Variants in PCDHGB3 observed in about 807,000 individuals in gnomAD.
PCDHGB3 encodes protocadherin gamma-B3.
In PCDHGB3, 40 loss-of-function variants were observed where a neutral mutation model predicts 59.2. That is an observed-to-expected ratio of 0.68 (90% confidence interval 0.52 to 0.88). PCDHGB3 has a LOEUF of 0.88. Ranked by LOEUF, PCDHGB3 falls within the 40% of genes least tolerant of loss-of-function variation. PCDHGB3 has a pLI of 0.00. For synonymous variants in PCDHGB3, 581 were observed against 503.6 expected, an observed-to-expected ratio of 1.15 and a Z score of -2.06; for missense variants, 1,309 against 1,187.9, an observed-to-expected ratio of 1.10 and a Z score of -1.50.
Position 141,476,217 on chromosome 5 carries a change from A to G in PCDHGB3, c.2416-18590A>G. On this transcript the variant is annotated intron_variant, in intron 1 of 3. Coordinates refer to ENST00000576222, the MANE Select transcript of PCDHGB3 (RefSeq NM_018924.5). This position sits in a 1 kb window ranked among gnomAD's most constrained non-coding sequence, Gnocchi z 7.6. ...TTGAACAAGGCTTCCACGGTCATTC[A>G]CTATGAGATCCCGGAGGAAAGAGAG... The G allele has an allele frequency of 6.2e-7, 1 of 1,613,836 alleles. No homozygotes were observed. The highest frequency in any genetic ancestry group is 2.2e-5 in the East Asian group (1 of 44,818).
intron 1 of PCDHGB3, among the ~76,000 whole-genome samples, chr5:141,473,719 T>C (rs998018115): frequency 6.6e-6 from 1 of 152,124 alleles, no homozygotes; most frequent in African/African-American, 2.4e-5. Context: ...CAATGGAATA[T>C]AGTGAGAGAG....
chr5:141,371,221 A>G lies in PCDHGB3; in HGVS notation c.827A>G (p.Glu276Gly). 6.2e-7 allele frequency: 1 copy of G among 1,614,064 alleles called. No individual in the cohort carries two copies. Among genetic ancestry groups the G allele is most frequent in the Non-Finnish European group, 8.5e-7 (1 of 1,179,900 alleles). Residue 276 changes from glutamate to glycine, a missense_variant, in exon 1 of 4, where the codon GAA becomes GGA. Glu to Gly is a moderately conservative substitution (Grantham distance 98). Coordinates refer to ENST00000576222, the MANE Select transcript of PCDHGB3 (RefSeq NM_018924.5). ...GACATGGATGAGGGCATCAATGCCGAAATCATCTATGCCTTCATCAATATT... is the reference window on the plus strand; with the variant it reads ...GACATGGATGAGGGCATCAATGCCGGAATCATCTATGCCTTCATCAATATT... ...AIDMDEGINA[E>G]IIYAFINIGK...
intron 1 of PCDHGB3, among the ~76,000 whole-genome samples, chr5:141,401,410 A>T (rs536817103): frequency 2.6e-5 from 4 of 152,354 alleles, no homozygotes; most frequent in African/African-American, 9.6e-5. Context: ...TGAGAGAGAA[A>T]GAGAGAGACT....
At chr5:141,505,336 G>A in intron 2 of PCDHGB3, 57 bp from the exon 3 acceptor site, 2 of 1,611,374 alleles carry the variant, frequency 1.2e-6, no homozygotes, top group South Asian at 1.1e-5. Flanking sequence ...GAGGACAGGA[G>A]GGGCATGAGC....
chr5:141,421,374 C>T, intron 1 of PCDHGB3: 1 of 1,614,062 alleles, frequency 6.2e-7, no homozygotes, highest in Non-Finnish European at 8.5e-7. Flanking sequence ...TGGGCAATAT[C>T]TCCAAGGACC....
rs777288812 is a variant in PCDHGB3 at position 141,487,236 on chromosome 5, G to A, written c.2416-7571G>A. The A allele has an allele frequency of 1.7e-5, 28 of 1,613,962 alleles. No homozygotes were observed. The highest frequency in any genetic ancestry group is 1.4e-4 in the South Asian group (13 of 91,070). On this transcript the variant is annotated intron_variant, in intron 1 of 3. Coordinates refer to ENST00000576222, the MANE Select transcript of PCDHGB3 (RefSeq NM_018924.5). This position sits in a 1 kb window ranked among gnomAD's most constrained non-coding sequence, Gnocchi z 5.0. ...TCAGCTCCAAGGGAAGGAGAATCTC[G>A]TCTAACCCTCTACTTGGCTGTGTCC... is the stretch of plus-strand genomic sequence containing the variant.
chr5:141,400,011 G>A (rs200842238), intron 1 of PCDHGB3: 35 of 1,612,624 alleles, frequency 2.2e-5, no homozygotes, highest in African/African-American at 4.0e-5. Context: ...CGCGTGCCTT[G>A]GGCGACAGGG....
chr5:141,489,288 G>A lies in PCDHGB3; in HGVS notation c.2416-5519G>A. 6.3e-7 allele frequency: 1 copy of A among 1,575,870 alleles called. No homozygotes were observed. Among genetic ancestry groups the A allele is most frequent in the Non-Finnish European group, 8.6e-7 (1 of 1,161,152 alleles). On this transcript the variant is annotated intron_variant, in intron 1 of 3. Coordinates refer to ENST00000576222, the MANE Select transcript of PCDHGB3 (RefSeq NM_018924.5). The surrounding 1 kb of genome is among the most constrained non-coding windows in gnomAD (Gnocchi z 4.5). ...AGCTCGCTGGGAAATGGCAAGTGCT[G>A]TGCATGTTGTCCTTGTGCTGCTGGG...
chr5:141,460,128 T>C (rs10051366), intron 1 of PCDHGB3, among the ~76,000 whole-genome samples: 42,386 of 151,808 alleles, frequency 0.28, 6,635 homozygotes, highest in African/African-American at 0.43. Context: ...ATATGTAATA[T>C]ATATATTCTT....
Position 141,431,721 on chromosome 5 carries a change from C to T in PCDHGB3, c.2415+58912C>T. The T allele has an allele frequency of 1.2e-6, 2 of 1,614,246 alleles. No homozygotes were observed. Among genetic ancestry groups the T allele is most frequent in the Non-Finnish European group, 1.7e-6 (2 of 1,180,044 alleles). On this transcript the variant is annotated intron_variant, in intron 1 of 3. Transcript: ENST00000576222. The surrounding 1 kb of genome is among the most constrained non-coding windows in gnomAD (Gnocchi z 4.8). ...GGATTCTACCAGATGGAAGTGCAAGCAATGGATAATGCAGGATATTCTGCG... is the reference window on the plus strand; with the variant it reads ...GGATTCTACCAGATGGAAGTGCAAGTAATGGATAATGCAGGATATTCTGCG...
intron 1 of PCDHGB3, chr5:141,413,901 C>T (rs375828969): frequency 1.5e-5 from 24 of 1,613,244 alleles, no homozygotes; most frequent in African/African-American, 1.1e-4. Context: ...CAAATGACAA[C>T]GCGCCGGTCT....
At chr5:141,399,847 G>T (rs746731144) in intron 1 of PCDHGB3, 19 of 1,612,874 alleles carry the variant, frequency 1.2e-5, no homozygotes, top group Middle Eastern at 1.7e-4. Flanking sequence ...CTTCGATATG[G>T]TGCCGCGCGC....
intron 1 of PCDHGB3, chr5:141,394,510 C>A (rs371348730): frequency 3.1e-6 from 5 of 1,614,216 alleles, no homozygotes; most frequent in Non-Finnish European, 3.4e-6. Context: ...CTGTACCCCG[C>A]CCTCCCCACA....
chr5:141,492,398 C>T (rs1347317333), intron 1 of PCDHGB3, among the ~76,000 whole-genome samples: 2 of 152,244 alleles, frequency 1.3e-5, no homozygotes, highest in Non-Finnish European at 1.5e-5. Flanking sequence ...CCACTCGCAG[C>T]TCCCCTCTGC....
At position 141,511,516 on chromosome 5, in the gene PCDHGB3, T is replaced by A. The variant is rs2099883825; in HGVS notation, c.*343T>A. ...CTTCCAAATCAATCAGGCCCATCCA[T>A]CCCATGCCTCCCTCCTCCCCACCCC... is the stretch of plus-strand genomic sequence containing the variant. On this transcript the variant is annotated 3_prime_UTR_variant, in exon 4 of 4. Transcript: ENST00000576222. 1 of 365,020 alleles carries A rather than the reference T, an allele frequency of 2.7e-6. No individual in the cohort carries two copies. Among genetic ancestry groups the A allele is most frequent in the Admixed American group, 4.0e-5 (1 of 25,162 alleles). The allele number at this position is 365,020 out of a possible 1,614,324, so 22.6% of individuals were successfully genotyped here.
intron 3 of PCDHGB3, among the ~76,000 whole-genome samples, chr5:141,506,038 G>C (rs2099850248): frequency 6.6e-6 from 1 of 152,174 alleles, no homozygotes; most frequent in South Asian, 2.1e-4. Context: ...GTAGGATTCT[G>C]GTTTTCCCAT....
chr5:141,470,123 C>T (rs368463710), intron 1 of PCDHGB3, among the ~76,000 whole-genome samples: 11 of 151,234 alleles, frequency 7.3e-5, no homozygotes, highest in Admixed American at 3.3e-4. Flanking sequence ...AGCAAGACTT[C>T]GTCTCAAAAA....
At chr5:141,424,960 C>T (rs1291822416) in intron 1 of PCDHGB3, among the ~76,000 whole-genome samples, 1 of 152,102 alleles carries the variant, frequency 6.6e-6, no homozygotes, top group African/African-American at 2.4e-5. Context: ...AGGTATTTGC[C>T]CCAAATTACT....
At chr5:141,434,193 T>G (rs2097677103) in intron 1 of PCDHGB3, among the ~76,000 whole-genome samples, 1 of 152,246 alleles carries the variant, frequency 6.6e-6, no homozygotes, top group South Asian at 2.1e-4. Flanking sequence ...GTAATTCCAA[T>G]GTACTTACTT....
Sources: gnomAD v4.1 joint callset for allele counts (sites outside exome capture counted in the v4.1 genomes callset) on GRCh38, gnomAD v4.1.1 for gene constraint, Gnocchi (gnomAD v3.1) non-coding constraint, MANE v1.5 for transcripts, NCBI Gene and HGNC (gene_info 2026-07-23, HGNC 2026-07-21) for gene names.